CNBD1: variants seen among roughly 807,000 people sequenced by gnomAD.
The protein encoded by CNBD1 is cyclic nucleotide binding domain containing 1, also known as cyclic nucleotide-binding domain-containing protein 1.
Under a neutral mutation model 54.4 loss-of-function variants are expected in CNBD1, and 71 were observed. The ratio of observed to expected loss-of-function variants is 1.30; its 90% confidence interval spans 1.08 to 1.59. The LOEUF (loss-of-function observed/expected upper bound fraction) is 1.59, where lower values mean the gene tolerates loss of function less well. CNBD1 is among the 40% of genes most tolerant of loss of function. CNBD1 has a pLI of 0.00. For missense variants in CNBD1, 659 were observed against 518.0 expected (o/e 1.27, Z -2.64); for synonymous variants, 182 against 170.7 (o/e 1.07, Z -0.51).
chr8:87,286,071 A>T (rs1473801858), intron 7 of CNBD1, among the ~76,000 whole-genome samples: 1 of 152,132 alleles, frequency 6.6e-6, no homozygotes, highest in Non-Finnish European at 1.5e-5. Context: ...CTTGTGATTT[A>T]GTGGTCCCAG....
intron 4 of CNBD1, among the ~76,000 whole-genome samples, chr8:87,006,283 T>G (rs918373586): frequency 6.6e-6 from 1 of 152,156 alleles, no homozygotes; most frequent in Non-Finnish European, 1.5e-5. Context: ...CTAGGTGACC[T>G]TTATGGAAGG....
At chr8:87,021,840 TTAG>T (rs1809494072) in intron 4 of CNBD1, among the ~76,000 whole-genome samples, 1 of 152,168 alleles carries the variant, frequency 6.6e-6, no homozygotes, top group Admixed American at 6.5e-5. Context: ...GTTACTCAAA[TTAG>T]TAGGCATTAT....
intron 4 of CNBD1, among the ~76,000 whole-genome samples, chr8:87,185,679 C>T (rs1442034870): frequency 6.6e-6 from 1 of 152,094 alleles, no homozygotes; most frequent in South Asian, 2.1e-4. Context: ...ATATTGTTCC[C>T]TCTAATCTTT....
At chr8:86,943,365 C>CAAAA (rs1158061860) in intron 4 of CNBD1, among the ~76,000 whole-genome samples, 844 of 32,442 alleles carry the variant, frequency 0.026, 31 homozygotes, top group Middle Eastern at 0.054. Flanking sequence ...GACTCCATCT[C>CAAAA]AAAAAAAAAA....
At chr8:87,087,608 C>T (rs551354261) in intron 4 of CNBD1, among the ~76,000 whole-genome samples, 6 of 149,340 alleles carry the variant, frequency 4.0e-5, no homozygotes, top group East Asian at 1.9e-4. Context: ...GGACTACAGG[C>T]GCCAGCCACC....
chr8:87,413,616 T>C (rs1807785013), intron 2 of CNBD1, among the ~76,000 whole-genome samples: 1 of 152,132 alleles, frequency 6.6e-6, no homozygotes, highest in Admixed American at 6.6e-5. Context: ...ACTTAGAACC[T>C]ACTCATCTGA....
chr8:87,017,041 T>A (rs1053000098), intron 4 of CNBD1, among the ~76,000 whole-genome samples: 3 of 152,106 alleles, frequency 2.0e-5, no homozygotes, highest in African/African-American at 7.2e-5. Context: ...TAGGTTTATT[T>A]AAGAAGCCTT....
intron 4 of CNBD1, among the ~76,000 whole-genome samples, chr8:87,125,405 T>C (rs1478867409): frequency 1.3e-5 from 2 of 151,700 alleles, no homozygotes; most frequent in East Asian, 1.9e-4. Context: ...ATAATCAAAA[T>C]AGCATGGCGC....
intron 4 of CNBD1, among the ~76,000 whole-genome samples, chr8:87,098,433 A>G (rs964574946): frequency 1.2e-4 from 18 of 152,316 alleles, no homozygotes; most frequent in African/African-American, 4.3e-4. Flanking sequence ...GACAAGTTCT[A>G]TGATGTGTAG....
chr8:87,381,928 A>G (rs1201715074), intron 10 of CNBD1, among the ~76,000 whole-genome samples: 1 of 151,976 alleles, frequency 6.6e-6, no homozygotes, highest in Non-Finnish European at 1.5e-5. Flanking sequence ...CTGCTGTACA[A>G]CATTCTACCT....
intron 4 of CNBD1, among the ~76,000 whole-genome samples, chr8:87,121,745 A>G (rs549474301): frequency 6.6e-6 from 1 of 151,826 alleles, no homozygotes; most frequent in East Asian, 1.9e-4. Context: ...TAGATTTCAC[A>G]TATAAGTAAG....
At chr8:86,935,013 GTTTGTTTA>G (rs1384131496) in intron 3 of CNBD1, among the ~76,000 whole-genome samples, 2,899 of 49,654 alleles carry the variant, frequency 0.058, 85 homozygotes, top group Middle Eastern at 0.11. Context: ...GGGTTTGTTT[GTTTGTTTA>G]TTTATTTATT....
At chr8:87,028,356 A>G (rs1221226722) in intron 4 of CNBD1, among the ~76,000 whole-genome samples, 2 of 152,208 alleles carry the variant, frequency 1.3e-5, no homozygotes, top group South Asian at 2.1e-4. Context: ...GCAGCTATTT[A>G]GGAGATCTTC....
rs1378625553 is a variant in CNBD1, at chr8:87,311,962, G to C, written c.1042+25291G>C. 3.3e-5 allele frequency among the ~76,000 whole-genome samples: 5 copies of C among 151,890 alleles called. No individual in the cohort carries two copies. The East Asian group carries it at 7.7e-4, about 24-fold the overall frequency. ...ACTACCAGAGTGGGGAGGGAGAGAG[G>C]GGAGCAAGGATTGAAAAACTAACTA... On this transcript the variant is annotated intron_variant, in intron 8 of 10. Transcript: ENST00000518476.
chr8:87,009,734 G>T (rs1270141826), intron 4 of CNBD1, among the ~76,000 whole-genome samples: 1 of 152,088 alleles, frequency 6.6e-6, no homozygotes, highest in East Asian at 1.9e-4. Flanking sequence ...TTCTTCTGCC[G>T]GAAGAACTTT....
intron 4 of CNBD1, among the ~76,000 whole-genome samples, chr8:87,157,749 A>G (rs940084972): frequency 9.2e-5 from 14 of 152,232 alleles, no homozygotes; most frequent in African/African-American, 3.4e-4. Flanking sequence ...TGGAGTCTGA[A>G]TTATTTATCT....
intron 8 of CNBD1, among the ~76,000 whole-genome samples, chr8:87,332,898 A>G (rs963857886): frequency 6.6e-6 from 1 of 152,128 alleles, no homozygotes; most frequent in Non-Finnish European, 1.5e-5. Flanking sequence ...AGTTTTTTCT[A>G]ATTCTGGAAG....
chr8:86,965,089 G>A (rs1001841024), intron 4 of CNBD1, among the ~76,000 whole-genome samples: 6 of 152,134 alleles, frequency 3.9e-5, no homozygotes, highest in African/African-American at 1.4e-4. Context: ...TTCTTTGTCT[G>A]TGCTACTCTT....
At chr8:86,882,237 C>A (rs924016840) in intron 1 of CNBD1, among the ~76,000 whole-genome samples, 1 of 152,102 alleles carries the variant, frequency 6.6e-6, no homozygotes, top group Non-Finnish European at 1.5e-5. Flanking sequence ...AGTAAACACA[C>A]AGCCTACAGA....
Sources: gnomAD v4.1 joint callset for allele counts (sites outside exome capture counted in the v4.1 genomes callset) on GRCh38, gnomAD v4.1.1 for gene constraint, MANE v1.5 for transcripts, NCBI Gene and HGNC (gene_info 2026-07-23, HGNC 2026-07-21) for gene names.